ADD2: variants seen among roughly 807,000 people sequenced by gnomAD.
ADD2 encodes adducin 2.
Under a neutral mutation model 83.0 loss-of-function variants are expected in ADD2, and 23 were observed. The observed-to-expected ratio is 0.28, with a 90% CI of 0.20 to 0.39. ADD2 has a LOEUF of 0.39. Ranked by LOEUF, ADD2 falls within the 10% of genes least tolerant of loss-of-function variation. ADD2 has a pLI of 1.00. For synonymous variants in ADD2, 375 were observed against 375.4 expected (o/e 1.00, Z 0.01); for missense variants, 758 against 944.9 (o/e 0.80, Z 2.59).
chr2:70,705,103 C>G (rs1023961680), intron 3 of ADD2, among the ~76,000 whole-genome samples: 1 of 152,158 alleles, frequency 6.6e-6, no homozygotes, highest in Non-Finnish European at 1.5e-5. Context: ...CCTCCAACCC[C>G]TATTTACTGC....
At chr2:70,681,985 G>A (rs1670476819) in intron 10 of ADD2, among the ~76,000 whole-genome samples, 1 of 152,090 alleles carries the variant, frequency 6.6e-6, no homozygotes, top group South Asian at 2.1e-4. Flanking sequence ...CTCCCAAGGT[G>A]CTGAGATTAC....
intron 1 of ADD2, among the ~76,000 whole-genome samples, chr2:70,721,458 T>C (rs1553377351): frequency 6.6e-6 from 1 of 152,224 alleles, no homozygotes; most frequent in Admixed American, 6.5e-5. Flanking sequence ...CTACAGCAGG[T>C]TATTATCAGA....
intron 11 of ADD2, among the ~76,000 whole-genome samples, chr2:70,678,213 A>G (rs984238379): frequency 2.2e-4 from 34 of 152,164 alleles, no homozygotes; most frequent in African/African-American, 8.0e-4. Context: ...AGAGCTTCAT[A>G]TTGTTTTATG....
At chr2:70,690,091 A>AG (rs1482977457) in intron 8 of ADD2, among the ~76,000 whole-genome samples, 1 of 143,660 alleles carries the variant, frequency 7.0e-6, no homozygotes, top group Non-Finnish European at 1.5e-5. Flanking sequence ...AAACTCAGGA[A>AG]GAAAAAAAAA....
chr2:70,725,969 C>T (rs917889559), intron 1 of ADD2, among the ~76,000 whole-genome samples: 7 of 151,812 alleles, frequency 4.6e-5, no homozygotes, highest in African/African-American at 1.7e-4. Flanking sequence ...GGGCGGATCA[C>T]GAGGTCAGGA....
At position 70,678,733 on chromosome 2, in the gene ADD2, T is replaced by C; in HGVS notation, c.1354A>G (p.Ser452Gly). The C allele has an allele frequency of 6.3e-7, 1 of 1,584,594 alleles. No individual in the cohort carries two copies. Among genetic ancestry groups the C allele is most frequent in the Non-Finnish European group, 8.6e-7 (1 of 1,163,280 alleles). The change falls in exon 11 of 16, where the codon AGC (serine) becomes GGC (glycine). Residue 452 changes from serine to glycine, a missense_variant. Physicochemically the swap from Ser to Gly is moderately conservative, Grantham distance 56. Transcript: ENST00000264436. ...RVNVADEVQR[S>G]MGSPRPKTTW... Reference sequence around the variant, plus strand: ...GTCTTGGGTCGGGGGCTGCCCATGCTCCTCTGGACCTCATCGGCCACATTG... The same window carrying C: ...GTCTTGGGTCGGGGGCTGCCCATGCCCCTCTGGACCTCATCGGCCACATTG...
At chr2:70,666,117 A>G (rs1675791539) in intron 15 of ADD2, among the ~76,000 whole-genome samples, 2 of 152,156 alleles carry the variant, frequency 1.3e-5, no homozygotes, top group African/African-American at 4.8e-5. Flanking sequence ...TCCAGCCCAC[A>G]CTTGTTTTTT....
chr2:70,683,533 G>A lies in ADD2; in HGVS notation c.1125+58C>T, dbSNP rs945401385. On this transcript the variant is annotated intron_variant, in intron 10 of 15. Coordinates refer to ENST00000264436, the MANE Select transcript of ADD2 (RefSeq NM_001617.4). ...CCCACCTGATGCCTTGTACTTCCTGGTTCCAGGGGGCTAAGCCTCAATGGA... is the reference window on the plus strand; with the variant it reads ...CCCACCTGATGCCTTGTACTTCCTGATTCCAGGGGGCTAAGCCTCAATGGA... The A allele has an allele frequency of 2.9e-5, 45 of 1,535,318 alleles. No homozygotes were observed. In the African/African-American group the frequency reaches 5.3e-4, roughly 18 times the overall value.
chr2:70,738,937 C>T (rs984172851), intron 1 of ADD2, among the ~76,000 whole-genome samples: 3 of 152,096 alleles, frequency 2.0e-5, no homozygotes, highest in Non-Finnish European at 4.4e-5. Context: ...TTAAAAAACC[C>T]TCGAAGACAA....
intron 1 of ADD2, among the ~76,000 whole-genome samples, chr2:70,746,948 G>A (rs1553382102): frequency 6.6e-6 from 1 of 151,612 alleles, no homozygotes; most frequent in African/African-American, 2.4e-5. Context: ...TAAGTGCTGA[G>A]AGACAGCAAA....
chr2:70,680,549 C>T (rs1670405179), intron 10 of ADD2, among the ~76,000 whole-genome samples: 1 of 152,198 alleles, frequency 6.6e-6, no homozygotes, highest in East Asian at 1.9e-4. Flanking sequence ...TACCTTCCCC[C>T]ATTTTTGAAA....
chr2:70,747,032 C>CA (rs1674239540), intron 1 of ADD2, among the ~76,000 whole-genome samples: 1 of 103,564 alleles, frequency 9.7e-6, no homozygotes, highest in Admixed American at 1.1e-4. Context: ...TTTTTTGAGA[C>CA]AGAGTCTCGC....
At chr2:70,682,925 T>C (rs1670531728) in intron 10 of ADD2, among the ~76,000 whole-genome samples, 1 of 151,948 alleles carries the variant, frequency 6.6e-6, no homozygotes, top group Non-Finnish European at 1.5e-5. Flanking sequence ...ATTAAAGTCA[T>C]GAAATGGACA....
intron 1 of ADD2, among the ~76,000 whole-genome samples, chr2:70,737,509 G>T (rs1261153665): frequency 1.3e-4 from 19 of 147,790 alleles, no homozygotes; most frequent in Admixed American, 6.8e-4. Flanking sequence ...CTCACTCATA[G>T]GTGGGAATTG....
chr2:70,752,876 C>T (rs1553383176), intron 1 of ADD2, among the ~76,000 whole-genome samples: 1 of 152,226 alleles, frequency 6.6e-6, no homozygotes, highest in Non-Finnish European at 1.5e-5. Context: ...GGCCCCACTC[C>T]AGACAAATGA....
intron 8 of ADD2, among the ~76,000 whole-genome samples, chr2:70,689,092 T>C (rs1245314662): frequency 1.4e-5 from 2 of 139,014 alleles, no homozygotes; most frequent in Non-Finnish European, 3.1e-5. Context: ...CAAGACTCCG[T>C]CTCAAAAAAA....
intron 10 of ADD2, among the ~76,000 whole-genome samples, chr2:70,681,445 TA>T (rs2104266412): frequency 6.6e-6 from 1 of 152,298 alleles, no homozygotes; most frequent in African/African-American, 2.4e-5. Context: ...CCCAAGTGTT[TA>T]AGACCAGGAA....
At chr2:70,737,369 T>C (rs1248377235) in intron 1 of ADD2, among the ~76,000 whole-genome samples, 1 of 152,090 alleles carries the variant, frequency 6.6e-6, no homozygotes, top group Non-Finnish European at 1.5e-5. Flanking sequence ...ATGTGGCACA[T>C]ATACACAATG....
intron 1 of ADD2, among the ~76,000 whole-genome samples, chr2:70,741,154 G>T (rs1245022080): frequency 1.3e-5 from 2 of 152,150 alleles, no homozygotes; most frequent in African/African-American, 4.8e-5. Context: ...ATCAGCAGTG[G>T]GAAAATAATG....
Sources: allele counts gnomAD v4.1 joint callset (sites outside exome capture counted in the v4.1 genomes callset), GRCh38; gene constraint gnomAD v4.1.1; transcripts MANE v1.5; gene names NCBI Gene and HGNC (gene_info 2026-07-23, HGNC 2026-07-21).